The following ZNF365 variants were observed in gnomAD, a reference collection of about 807,000 sequenced individuals.
ZNF365 encodes zinc finger protein 365.
ZNF365 carries 22 observed loss-of-function variants against 35.0 expected under a neutral mutation model. The ratio of observed to expected loss-of-function variants is 0.63; its 90% CI spans 0.45 to 0.90. ZNF365 has a LOEUF of 0.90. ZNF365 is among the 40% of genes least tolerant of loss of function. The pLI, the probability that ZNF365 is intolerant of heterozygous loss-of-function variation, is 0.00. For missense variants in ZNF365, 448 were observed against 500.3 expected (o/e 0.90, Z 1.00); for synonymous variants, 188 against 196.2 (o/e 0.96, Z 0.35).
chr10:62,438,198 T>G (rs146401065), intron 3 of ZNF365, among the ~76,000 whole-genome samples: 1,702 of 151,378 alleles, frequency 0.011, 30 homozygotes, highest in African/African-American at 0.04. Flanking sequence ...TTTTTGTTTT[T>G]TTTTTTTTGA....
At chr10:62,403,574 C>T (rs1285614019), downstream of ZNF365, among the ~76,000 whole-genome samples, 13 of 152,264 alleles carry the variant, frequency 8.5e-5, no homozygotes, top group African/African-American at 7.2e-5. Flanking sequence ...AGGAGAATGG[C>T]GTGAACCCGG....
At position 62,376,650 on chromosome 10, in the gene ZNF365, A is replaced by G; in HGVS notation, c.457A>G (p.Thr153Ala). The G allele has an allele frequency of 6.2e-7, 1 of 1,614,174 alleles. No individual in the cohort carries two copies. The highest frequency in any genetic ancestry group is 1.3e-5 in the African/African-American group (1 of 75,036). ...GGGTCCTGGACTGCCCACCTCAGAC[A>G]CCAAAGCTTCTTTCGAGGCACATGT... is the stretch of plus-strand genomic sequence containing the variant. ...RSGPGLPTSD[T>A]KASFEAHVRE... The change falls in exon 2 of 5, where the codon ACC (threonine) becomes GCC (alanine). Residue 153 changes from threonine to alanine, a missense_variant. Physicochemically the swap from Thr to Ala is moderately conservative, Grantham distance 58 (BLOSUM62 0). Transcript: ENST00000395254.
chr10:62,398,826 A>C, intron 4 of ZNF365, 49 bp downstream of exon 4: 1 of 1,545,402 alleles, frequency 6.5e-7, no homozygotes, highest in East Asian at 2.3e-5. Context: ...TTTGTATTGT[A>C]TGTTTTCCTG....
intron 3 of ZNF365, among the ~76,000 whole-genome samples, chr10:62,392,189 T>G (rs961571307): frequency 1.3e-5 from 2 of 151,820 alleles, no homozygotes; most frequent in African/African-American, 4.8e-5. Context: ...TCTCCCACTC[T>G]GTGGGTTGTC....
downstream of ZNF365, among the ~76,000 whole-genome samples, chr10:62,406,483 T>C (rs1839906781): frequency 6.6e-6 from 1 of 152,166 alleles, no homozygotes; most frequent in African/African-American, 2.4e-5. Flanking sequence ...GTACCTTTTA[T>C]CCCTAGTATG....
chr10:62,471,234 T>C (rs889700988), intron 4 of ZNF365, among the ~76,000 whole-genome samples: 23 of 151,902 alleles, frequency 1.5e-4, no homozygotes, highest in African/African-American at 4.8e-4. Flanking sequence ...GGTGTGATGG[T>C]AGGCACCTGT....
chr10:62,376,600 C>T lies in ZNF365; in HGVS notation c.407C>T (p.Ala136Val). 1 of 1,614,150 alleles carries T rather than the reference C, an allele frequency of 6.2e-7. No individual in the cohort carries two copies. Residue 136 changes from alanine to valine, a missense_variant, in exon 2 of 5, where the codon GCA becomes GTA. Coordinates refer to ENST00000395254, the MANE Select transcript of ZNF365 (RefSeq NM_014951.3). Reference sequence around the variant, plus strand: ...ACCTACACTGCCATGGACCTCCATGCAGACTCGCTGGATGGGACACGGTCG... The same window carrying T: ...ACCTACACTGCCATGGACCTCCATGTAGACTCGCTGGATGGGACACGGTCG... Reference protein sequence around the residue: ...VQTYTAMDLHADSLDGTRSGP... With the variant: ...VQTYTAMDLHVDSLDGTRSGP...
chr10:62,476,522 G>A (rs990812622), intron 4 of ZNF365, among the ~76,000 whole-genome samples: 5 of 152,194 alleles, frequency 3.3e-5, no homozygotes, highest in African/African-American at 4.8e-5. Context: ...ACTACATGAC[G>A]TCCTAACTAA....
chr10:62,399,391 A>G, intron 4 of ZNF365, 137 bp from the exon 5 acceptor site: 1 of 1,295,216 alleles, frequency 7.7e-7, no homozygotes, highest in Non-Finnish European at 1.0e-6. Context: ...TCATATTATG[A>G]TTTGCCTTTG....
chr10:62,450,437 T>C (rs1231785704), intron 3 of ZNF365, among the ~76,000 whole-genome samples: 1 of 152,196 alleles, frequency 6.6e-6, no homozygotes, highest in Non-Finnish European at 1.5e-5. Flanking sequence ...AAGAAGGCCC[T>C]GTACCTGGTT....
intron 3 of ZNF365, among the ~76,000 whole-genome samples, chr10:62,433,770 A>G (rs1436374941): frequency 6.6e-6 from 1 of 152,226 alleles, no homozygotes; most frequent in Admixed American, 6.5e-5. Flanking sequence ...TTTCACAACA[A>G]GGAAATATTG....
intron 3 of ZNF365, among the ~76,000 whole-genome samples, chr10:62,439,354 T>C (rs1261175800): frequency 6.6e-6 from 1 of 151,406 alleles, no homozygotes; most frequent in Non-Finnish European, 1.5e-5. Context: ...AAATAATCTT[T>C]ACTTAGAATT....
At chr10:62,461,503 C>T (rs2132481439) in intron 4 of ZNF365, among the ~76,000 whole-genome samples, 1 of 152,346 alleles carries the variant, frequency 6.6e-6, no homozygotes, top group East Asian at 1.9e-4. Flanking sequence ...GACGCCCTGC[C>T]TGGGCTTTCC....
intron 3 of ZNF365, among the ~76,000 whole-genome samples, chr10:62,434,110 A>G (rs1840371638): frequency 6.6e-6 from 1 of 152,306 alleles, no homozygotes; most frequent in East Asian, 1.9e-4. Context: ...CCTCACCCAA[A>G]CCTGTCGGAA....
intron 3 of ZNF365, among the ~76,000 whole-genome samples, chr10:62,431,489 TGTTAATAGTCTAATGC>T (rs1254409087): frequency 2.8e-4 from 9 of 32,038 alleles, no homozygotes; most frequent in African/African-American, 5.3e-4. Flanking sequence ...TAGTCTATGC[TGTTAATAGTCTAATGC>T]TGTTAATAGT....
At chr10:62,461,772 T>A (rs1292809986) in intron 4 of ZNF365, among the ~76,000 whole-genome samples, 1 of 152,144 alleles carries the variant, frequency 6.6e-6, no homozygotes, top group East Asian at 1.9e-4. Flanking sequence ...ATAGTGAAGC[T>A]AAAGAACACA....
chr10:62,411,095 A>T (rs1228545406), intron 3 of ZNF365, among the ~76,000 whole-genome samples: 1 of 152,124 alleles, frequency 6.6e-6, no homozygotes, highest in Non-Finnish European at 1.5e-5. Context: ...GTGTCTGTTC[A>T]TGCCCTTTGC....
rs371160235 is a variant in ZNF365, at chr10:62,474,641, C to A, written c.982-5235C>A. 5.3e-5 allele frequency among the ~76,000 whole-genome samples: 8 copies of A among 152,300 alleles called. No individual in the cohort carries two copies. In the South Asian group the frequency reaches 1.7e-3, roughly 32 times the overall value. On this transcript the variant is annotated intron_variant, in intron 4 of 4. Transcript: ENST00000395255. ...CATGGTCTCAACTACTGTCAATAAG[C>A]CAATGATTCTCCAATCTCATTGTCC... is the stretch of plus-strand genomic sequence containing the variant.
chr10:62,421,948 C>CA (rs1381303824), intron 3 of ZNF365, among the ~76,000 whole-genome samples: 8 of 152,190 alleles, frequency 5.3e-5, no homozygotes, highest in Admixed American at 1.3e-4. Flanking sequence ...TTCTGAATAG[C>CA]AAAAAAATAT....
Sources: allele counts gnomAD v4.1 joint callset (sites outside exome capture counted in the v4.1 genomes callset), GRCh38; gene constraint gnomAD v4.1.1; transcripts MANE v1.5; gene names NCBI Gene and HGNC (gene_info 2026-07-23, HGNC 2026-07-21).